EML5: variants seen among roughly 807,000 people sequenced by gnomAD.
EML5 encodes the protein echinoderm microtubule-associated protein-like 5.
Under a neutral mutation model 250.0 loss-of-function variants are expected in EML5, and 120 were observed. The ratio of observed to expected loss-of-function variants is 0.48; its 90% CI spans 0.41 to 0.56. The LOEUF is 0.56. Ranked by LOEUF, EML5 falls within the 20% of genes least tolerant of loss-of-function variation. The pLI is 0.00. For synonymous variants in EML5, 771 were observed against 806.5 expected (o/e 0.96, Z 0.75); for missense variants, 2,006 against 2,437.6 (o/e 0.82, Z 3.73).
At chr14:88,666,437 G>A (rs2092308741) in intron 21 of EML5, among the ~76,000 whole-genome samples, 1 of 151,990 alleles carries the variant, frequency 6.6e-6, no homozygotes, top group African/African-American at 2.4e-5. Context: ...TGTTGGTCAG[G>A]CTGGTCCTGA....
Position 88,681,908 on chromosome 14 carries a change from C to G in EML5, c.3106G>C (p.Val1036Leu). The G allele has an allele frequency of 1.9e-6, 3 of 1,608,570 alleles. No homozygotes were observed. Among genetic ancestry groups the G allele is most frequent in the East Asian group, 2.2e-5 (1 of 44,562 alleles). ...CTCTTACCCTTTTTCAGCTTCCGGA[C>G]AGCCAACATACAATGACTAGGTGAG... is the stretch of plus-strand genomic sequence containing the variant. The part of the protein sequence containing the change: ...DLSPSHCMLA[V>L]RKLKKGGRCC... The change falls in exon 21 of 44, where the codon GTC becomes CTC. Residue 1036 changes from valine to leucine, a missense_variant. Val to Leu is a conservative substitution (Grantham distance 32). Coordinates refer to ENST00000554922, the MANE Select transcript of EML5 (RefSeq NM_183387.3).
At chr14:88,624,656 TC>T (rs2089638660) in intron 36 of EML5, 1 of 231,774 alleles carries the variant, frequency 4.3e-6, no homozygotes, top group South Asian at 9.3e-5. Context: ...GGCTCCAGAT[TC>T]CCCCATGGGC....
chr14:88,676,846 T>G (rs2092605429), intron 21 of EML5, among the ~76,000 whole-genome samples: 1 of 152,086 alleles, frequency 6.6e-6, no homozygotes, highest in Non-Finnish European at 1.5e-5. Context: ...CTATGTCCAT[T>G]TGATCTTTGA....
At position 88,676,068 on chromosome 14, in the gene EML5, C is replaced by T. The variant is rs372925477; in HGVS notation, c.3124+5822G>A. On this transcript the variant is annotated intron_variant, in intron 21 of 43. Coordinates refer to ENST00000554922, the MANE Select transcript of EML5 (RefSeq NM_183387.3). ...CTCTAAGAAGTTCCAAACTTTCTTA[C>T]ATTTTCCTATCTGCTTCTGAGCCCT... Among the ~76,000 whole-genome samples, 26 of 152,302 alleles carry T rather than the reference C, an allele frequency of 1.7e-4. 1 individual carries two copies. Among genetic ancestry groups the T allele is most frequent in the African/African-American group, 6.0e-4 (25 of 41,572 alleles).
At chr14:88,774,000 T>C (rs1013858902) in intron 1 of EML5, among the ~76,000 whole-genome samples, 1 of 152,088 alleles carries the variant, frequency 6.6e-6, no homozygotes. Flanking sequence ...GTGCCTGTAG[T>C]CCCAGCTACT....
intron 33 of EML5, among the ~76,000 whole-genome samples, chr14:88,628,477 G>C (rs2140437440): frequency 1.3e-5 from 2 of 151,848 alleles, no homozygotes; most frequent in East Asian, 3.9e-4. Context: ...AATTATCCCA[G>C]TTCTCCATAT....
Position 88,642,915 on chromosome 14 carries a change from T to C in EML5, c.4215A>G (p.Gly1405=), listed in dbSNP as rs764618581. The part of the protein sequence containing the change: ...DDIIYHTASV[G]ILHNVATGSQ... ...TACCTGTAGCAACATTGTGCAGAATTCCAACAGATGCAGTGTGATAAATTA... is the reference window on the plus strand; with the variant it reads ...TACCTGTAGCAACATTGTGCAGAATCCCAACAGATGCAGTGTGATAAATTA... The change falls in exon 31 of 44, where the codon GGA becomes GGG. Residue 1405 remains glycine (G), a synonymous_variant. Transcript: ENST00000554922. The C allele has an allele frequency of 7.5e-6, 12 of 1,605,626 alleles. No homozygotes were observed. The East Asian group carries it at 2.3e-4, about 30-fold the overall frequency.
At chr14:88,715,309 A>C (rs995218835) in intron 8 of EML5, 114 bp from the exon 9 acceptor site, 1 of 1,056,922 alleles carries the variant, frequency 9.5e-7, no homozygotes, top group Non-Finnish European at 1.3e-6. Context: ...TAAACTATAA[A>C]GTAAACATAA....
chr14:88,767,641 GCCTA>G (rs2094338030), intron 1 of EML5, among the ~76,000 whole-genome samples: 1 of 151,860 alleles, frequency 6.6e-6, no homozygotes, highest in Non-Finnish European at 1.5e-5. Flanking sequence ...TCTGCTTGTG[GCCTA>G]CCTTTTAATT....
intron 31 of EML5, among the ~76,000 whole-genome samples, chr14:88,640,921 TG>T (rs941428907): frequency 1.3e-5 from 2 of 152,044 alleles, no homozygotes; most frequent in African/African-American, 4.8e-5. Flanking sequence ...GAGACTATTA[TG>T]AACACCTCTA....
chr14:88,773,031 C>G (rs2094410019), intron 1 of EML5, among the ~76,000 whole-genome samples: 1 of 152,216 alleles, frequency 6.6e-6, no homozygotes, highest in Non-Finnish European at 1.5e-5. Flanking sequence ...TTTCATGTTT[C>G]CCTTCATGCT....
intron 40 of EML5, 129 bp downstream of exon 40, chr14:88,618,521 G>A (rs2088164104): frequency 8.3e-7 from 1 of 1,205,494 alleles, no homozygotes; most frequent in South Asian, 1.6e-5. Flanking sequence ...GGAGCTGTAG[G>A]TCAGAAGGTA....
At chr14:88,615,963 C>A in intron 43 of EML5, 109 bp from the exon 44 acceptor site, 2 of 1,330,972 alleles carry the variant, frequency 1.5e-6, no homozygotes, top group Non-Finnish European at 2.1e-6. Flanking sequence ...TATTTTTCCT[C>A]TTTAACTCCT....
intron 27 of EML5, among the ~76,000 whole-genome samples, chr14:88,651,075 T>C (rs1435933362): frequency 2.0e-5 from 3 of 151,786 alleles, no homozygotes; most frequent in Non-Finnish European, 4.4e-5. Flanking sequence ...GATATGAACC[T>C]CTTCATTTGT....
chr14:88,663,201 T>C, intron 23 of EML5, 82 bp from the exon 24 acceptor site: 2 of 951,000 alleles, frequency 2.1e-6, no homozygotes, highest in Non-Finnish European at 2.9e-6. Context: ...TTAAGTTTTA[T>C]GGGAAAAAAT....
Position 88,748,341 on chromosome 14 carries a change from TA to T in EML5, c.358-2059del, listed in dbSNP as rs1188686433. The stretch of plus-strand genomic sequence containing the variant: ...GGTCCAGAATCACTCAAATTCTCAA[TA>T]ACCAGAATGAAGATACCTCTTTGAA... On this transcript the variant is annotated intron_variant, in intron 2 of 43. Coordinates refer to ENST00000554922, the MANE Select transcript of EML5 (RefSeq NM_183387.3). Among the ~76,000 whole-genome samples the T allele has an allele frequency of 4.6e-5, 7 of 152,310 alleles. No homozygotes were observed. In the East Asian group the frequency reaches 1.4e-3, roughly 29 times the overall value.
chr14:88,639,705 T>C lies in EML5; in HGVS notation c.4238-798A>G, dbSNP rs140309619. 5.9e-5 allele frequency among the ~76,000 whole-genome samples: 9 copies of C among 152,244 alleles called. 1 individual carries two copies. Among genetic ancestry groups the C allele is most frequent in the African/African-American group, 1.9e-4 (8 of 41,550 alleles). On this transcript the variant is annotated intron_variant, in intron 31 of 43. Transcript: ENST00000554922. ...AATTCTCATGCCTCAGCCTCCCAAG[T>C]AGCTGGGATTACAGGTGTGTGCCAT...
At chr14:88,650,861 T>C (rs988820358) in intron 27 of EML5, among the ~76,000 whole-genome samples, 3 of 152,112 alleles carry the variant, frequency 2.0e-5, no homozygotes, top group African/African-American at 7.2e-5. Context: ...AGGCTGGTGC[T>C]AAACACCTAG....
intron 21 of EML5, among the ~76,000 whole-genome samples, chr14:88,666,555 A>G (rs1283653058): frequency 6.6e-6 from 1 of 152,156 alleles, no homozygotes; most frequent in Non-Finnish European, 1.5e-5. Flanking sequence ...TAAAAATCTA[A>G]TAGGCCATTA....
Sources: allele counts gnomAD v4.1 joint callset (sites outside exome capture counted in the v4.1 genomes callset), GRCh38; gene constraint gnomAD v4.1.1; transcripts MANE v1.5; gene names NCBI Gene and HGNC (gene_info 2026-07-23, HGNC 2026-07-21).